Variants in RBMS2 observed in about 807,000 individuals in gnomAD.
The protein encoded by RBMS2 is RNA binding motif single stranded interacting protein 2, also known as RNA-binding motif, single-stranded-interacting protein 2.
In RBMS2, 38 loss-of-function variants were observed where a neutral mutation model predicts 58.4. The observed-to-expected ratio is 0.65, with a 90% CI of 0.50 to 0.85. RBMS2 has a LOEUF of 0.85. Ranked by LOEUF, RBMS2 falls within the 40% of genes least tolerant of loss-of-function variation. The pLI is 0.00. For missense variants in RBMS2, 367 were observed against 503.7 expected (o/e 0.73, Z 2.60); for synonymous variants, 151 against 180.7 (o/e 0.84, Z 1.32).
At chr12:56,529,323 C>T (rs1349213333) in intron 1 of RBMS2, among the ~76,000 whole-genome samples, 2 of 151,944 alleles carry the variant, frequency 1.3e-5, no homozygotes, top group African/African-American at 4.8e-5. Context: ...GAGCCCGAGG[C>T]AGGTGGATTG....
At position 56,529,557 on chromosome 12, in the gene RBMS2, C is replaced by A. The variant is rs143859390; in HGVS notation, c.66+7468C>A. On this transcript the variant is annotated intron_variant, in intron 1 of 13. Transcript: ENST00000262031. ...TGTGCAACAGAGCAAGACTCTGTCCCAACAACAACAACAACAACAATAACA... is the reference window on the plus strand; with the variant it reads ...TGTGCAACAGAGCAAGACTCTGTCCAAACAACAACAACAACAACAATAACA... Among the ~76,000 whole-genome samples the A allele has an allele frequency of 1.4e-3, 208 of 150,954 alleles. 1 individual carries two copies. The highest frequency in any genetic ancestry group is 2.1e-3 in the Non-Finnish European group (144 of 67,754).
intron 1 of RBMS2, among the ~76,000 whole-genome samples, chr12:56,562,055 GCCTCGGCCTC>G (rs1465141453): frequency 6.7e-6 from 1 of 150,068 alleles, no homozygotes; most frequent in Non-Finnish European, 1.5e-5. Flanking sequence ...TGATCCGCCT[GCCTCGGCCTC>G]CCAAAGTGCT....
intron 1 of RBMS2, among the ~76,000 whole-genome samples, chr12:56,543,646 C>A (rs1876575568): frequency 6.6e-6 from 1 of 151,402 alleles, no homozygotes; most frequent in African/African-American, 2.4e-5. Context: ...AGCCACCACA[C>A]CTGGCCTAGA....
chr12:56,562,277 C>A (rs181202618), intron 1 of RBMS2, 140 bp from the exon 2 acceptor site: 4 of 748,116 alleles, frequency 5.3e-6, no homozygotes, highest in South Asian at 2.3e-5. Flanking sequence ...AGCTAAGGAA[C>A]AAACTATGTG....
chr12:56,535,828 C>A (rs1328759605), intron 1 of RBMS2, among the ~76,000 whole-genome samples: 1 of 152,136 alleles, frequency 6.6e-6, no homozygotes, highest in Non-Finnish European at 1.5e-5. Context: ...AACTCCATAT[C>A]TAATGGCATA....
intron 2 of RBMS2, among the ~76,000 whole-genome samples, chr12:56,567,795 C>A (rs1044837578): frequency 6.6e-6 from 1 of 152,052 alleles, no homozygotes; most frequent in Non-Finnish European, 1.5e-5. Flanking sequence ...CACACCACTG[C>A]ACTCCAGCCT....
chr12:56,532,958 T>C lies in RBMS2; in HGVS notation c.66+10869T>C, dbSNP rs75377007. On this transcript the variant is annotated intron_variant, in intron 1 of 13. Transcript: ENST00000262031. Reference sequence around the variant, plus strand: ...TTTATTTTATTTTATTTTTTGAGACTGGGTCTCACTTTGTCACTCGGGCTG... The same window carrying C: ...TTTATTTTATTTTATTTTTTGAGACCGGGTCTCACTTTGTCACTCGGGCTG... Among the ~76,000 whole-genome samples the C allele has an allele frequency of 7.8e-3, 1,193 of 152,036 alleles. 8 individuals carry two copies. The highest frequency in any genetic ancestry group is 0.026 in the African/African-American group (1,071 of 41,476).
At chr12:56,539,015 C>CTTT (rs10605730) in intron 1 of RBMS2, among the ~76,000 whole-genome samples, 1 of 144,182 alleles carries the variant, frequency 6.9e-6, no homozygotes, top group African/African-American at 2.6e-5. Context: ...TTCAGAAATT[C>CTTT]TTTTTTTTTT....
Position 56,588,948 on chromosome 12 carries a change from A to G in RBMS2, c.1160A>G (p.Gln387Arg). Residue 387 changes from glutamine to arginine, a missense_variant, in exon 13 of 14, where the codon CAG (glutamine) becomes CGG (arginine). By Grantham distance (43) the Gln-to-Arg change is conservative (BLOSUM62 1). Transcript: ENST00000262031. Reference protein sequence around the residue: ...SVSVEESSGQQNQVAVDAPSE... With the variant: ...SVSVEESSGQRNQVAVDAPSE... ...ATGGCACAGGAGAGCAGCGGCCAAC[A>G]GAACCAAGTGGCAGTGGACGCACCC... 1.9e-6 allele frequency: 3 copies of G among 1,614,224 alleles called. No individual in the cohort carries two copies. The highest frequency in any genetic ancestry group is 2.5e-6 in the Non-Finnish European group (3 of 1,180,036).
At chr12:56,572,873 A>G in intron 5 of RBMS2, 1 of 984,406 alleles carries the variant, frequency 1.0e-6, no homozygotes, top group Non-Finnish European at 1.2e-6. Flanking sequence ...TCTGAAGTGG[A>G]GATTGATTCA....
At chr12:56,557,726 TTTTTCTTTTC>T (rs527356817) in intron 1 of RBMS2, among the ~76,000 whole-genome samples, 1 of 151,358 alleles carries the variant, frequency 6.6e-6, no homozygotes, top group Non-Finnish European at 1.5e-5. Flanking sequence ...AATAGCCTCT[TTTTTCTTTTC>T]TTTTCTTTTT....
chr12:56,533,001 C>T (rs371768529), intron 1 of RBMS2, among the ~76,000 whole-genome samples: 3 of 152,000 alleles, frequency 2.0e-5, no homozygotes, highest in African/African-American at 7.3e-5. Context: ...GTGGCTCGAT[C>T]GTGGCTCACT....
At chr12:56,544,042 C>A (rs1420933034) in intron 1 of RBMS2, among the ~76,000 whole-genome samples, 2 of 151,744 alleles carry the variant, frequency 1.3e-5, no homozygotes, top group African/African-American at 4.8e-5. Flanking sequence ...GTTTGGGAGG[C>A]CAAGGCAGGG....
intron 1 of RBMS2, among the ~76,000 whole-genome samples, chr12:56,532,385 A>G (rs1873912413): frequency 6.6e-6 from 1 of 152,032 alleles, no homozygotes; most frequent in Non-Finnish European, 1.5e-5. Flanking sequence ...TCTACTAAAA[A>G]TACAAAATTA....
At chr12:56,584,996 T>C (rs146091976) in intron 9 of RBMS2, among the ~76,000 whole-genome samples, 2,091 of 152,080 alleles carry the variant, frequency 0.014, 50 homozygotes, top group African/African-American at 0.047. Context: ...GGTAATTTTG[T>C]ATGTTTAGTA....
chr12:56,543,927 C>G (rs541472924), intron 1 of RBMS2, among the ~76,000 whole-genome samples: 10 of 151,514 alleles, frequency 6.6e-5, no homozygotes, highest in Middle Eastern at 3.4e-3. Flanking sequence ...CTCAGCCTCC[C>G]AAAGTGCTGG....
intron 1 of RBMS2, among the ~76,000 whole-genome samples, chr12:56,546,771 G>A (rs1877327485): frequency 1.3e-5 from 2 of 152,082 alleles, no homozygotes; most frequent in African/African-American, 2.4e-5. Context: ...ACCTGGCCCT[G>A]TGTGGGCATG....
rs1017575812 is a variant in RBMS2, at chr12:56,595,618, C to T, written c.*6485C>T. 2.0e-5 allele frequency: 3 copies of T among 151,594 alleles called. No homozygotes were observed. Among genetic ancestry groups the T allele is most frequent in the South Asian group, 2.1e-4 (1 of 4,798 alleles). 9.4% of individuals were successfully genotyped at this position (151,594 alleles called of 1,614,324 possible). A position where few individuals can be genotyped will look rare whatever the true frequency, so the allele number is the denominator to read the frequency against. ...AAAGTCTACGTCTTGGTGTCTTATC[C>T]GTGAGTGGGAAGTGGTAAGCTGGTG... On this transcript the variant is annotated 3_prime_UTR_variant, in exon 14 of 14. Transcript: ENST00000262031.
intron 11 of RBMS2, 168 bp downstream of exon 11, chr12:56,587,832 A>G: frequency 1.5e-6 from 1 of 661,960 alleles, no homozygotes; most frequent in Non-Finnish European, 1.9e-6. Flanking sequence ...ATGAGCCAGG[A>G]ATACAGCCAT....
Sources: allele counts gnomAD v4.1 joint callset (sites outside exome capture counted in the v4.1 genomes callset), GRCh38; gene constraint gnomAD v4.1.1; transcripts MANE v1.5; gene names NCBI Gene and HGNC (gene_info 2026-07-23, HGNC 2026-07-21).